The following SEMA4A variants were observed in gnomAD, a reference collection of about 807,000 sequenced individuals.
SEMA4A encodes the protein semaphorin 4A, also known as semaphorin-4A.
SEMA4A carries 52 observed loss-of-function variants against 72.5 expected under a neutral mutation model. That is an observed-to-expected ratio of 0.72 (90% CI 0.57 to 0.90). The LOEUF (loss-of-function observed/expected upper bound fraction) is 0.90. Ranked by LOEUF, SEMA4A falls within the 40% of genes least tolerant of loss-of-function variation. SEMA4A has a pLI of 0.00. For missense variants in SEMA4A, 926 were observed against 959.7 expected, an observed-to-expected ratio of 0.96 and a Z score of 0.46; for synonymous variants, 369 against 393.1, an observed-to-expected ratio of 0.94 and a Z score of 0.73.
At chr1:156,149,901 T>C (rs568579548), upstream of SEMA4A, 1 of 152,078 alleles carries the variant, frequency 6.6e-6, no homozygotes, top group East Asian at 1.9e-4. Context: ...GGGACATGGG[T>C]AGGAGGAGGA....
At chr1:156,161,241 G>C in intron 8 of SEMA4A, 105 bp from the exon 9 acceptor site, 1 of 812,444 alleles carries the variant, frequency 1.2e-6, no homozygotes, top group Non-Finnish European at 1.8e-6. Flanking sequence ...ACGCGGGGCT[G>C]GCGGGGACTG....
chr1:156,160,391 CAGA>C, intron 6 of SEMA4A, 49 bp from the exon 7 acceptor site: 1 of 1,372,588 alleles, frequency 7.3e-7, no homozygotes, highest in Non-Finnish European at 1.0e-6. Context: ...CTGTGGAGGG[CAGA>C]GGAACCCTCC....
intron 10 of SEMA4A, among the ~76,000 whole-genome samples, chr1:156,171,809 A>G (rs1572420684): frequency 6.6e-6 from 1 of 151,722 alleles, no homozygotes; most frequent in Non-Finnish European, 1.5e-5. Flanking sequence ...TTTGAGACCG[A>G]GTCTCACTCT....
At chr1:156,174,411 T>C (rs963969214) in intron 11 of SEMA4A, among the ~76,000 whole-genome samples, 5 of 152,056 alleles carry the variant, frequency 3.3e-5, no homozygotes, top group African/African-American at 9.7e-5. Flanking sequence ...CACGTAGAGG[T>C]GTGTGCGGGG....
chr1:156,175,582 G>A lies in SEMA4A; in HGVS notation c.1619G>A (p.Arg540Gln), dbSNP rs184592535. The A allele has an allele frequency of 4.2e-5, 67 of 1,613,548 alleles. No homozygotes were observed. The highest frequency in any genetic ancestry group is 3.3e-4 in the African/African-American group (25 of 75,018). ...NLNSWKQDME[R>Q]GNPEWACASG... The stretch of plus-strand genomic sequence containing the variant: ...AACTCCTGGAAGCAGGACATGGAGC[G>A]GGGGAACCCAGAGTGGGCATGTGCC... The change falls in exon 14 of 15, where the codon CGG (arginine) becomes CAG (glutamine). Residue 540 changes from arginine (R) to glutamine (Q), a missense_variant. Transcript: ENST00000368285.
At chr1:156,172,745 AG>A in intron 10 of SEMA4A, 80 bp from the exon 11 acceptor site, 2 of 1,297,906 alleles carry the variant, frequency 1.5e-6, no homozygotes, top group Non-Finnish European at 2.2e-6. Flanking sequence ...GAGGGGGTAA[AG>A]GGAGAAGAGC....
At chr1:156,151,128 T>G (rs1276282221), upstream of SEMA4A, among the ~76,000 whole-genome samples, 3 of 152,250 alleles carry the variant, frequency 2.0e-5, no homozygotes, top group Non-Finnish European at 4.4e-5. Context: ...GCTTCTTTGA[T>G]GCTGTGTGCA....
intron 2 of SEMA4A, chr1:156,155,022 C>T (rs1252623979): frequency 2.3e-6 from 1 of 440,480 alleles, no homozygotes; most frequent in African/African-American, 2.0e-5. Context: ...TCACTGTCAC[C>T]AAGCTGGGCA....
intron 14 of SEMA4A, among the ~76,000 whole-genome samples, chr1:156,175,919 G>T (rs150882601): frequency 8.1e-4 from 124 of 152,230 alleles, no homozygotes; most frequent in African/African-American, 2.9e-3. Context: ...TTAGTTTGGG[G>T]TCCAGACTGG....
Position 156,160,531 on chromosome 1 carries a change from G to C in SEMA4A, c.657G>C (p.Lys219Asn), listed in dbSNP as rs768335882. ...CACTGGGATCCCAGCCTGTCCTCAA[G>C]ACCGACAACTTCCTCCGCTGGCTGC... ...MRTLGSQPVLKTDNFLRWLHH... is the reference protein window; with the variant it reads ...MRTLGSQPVLNTDNFLRWLHH... The change falls in exon 7 of 15, where the codon AAG becomes AAC. Residue 219 changes from lysine to asparagine, a missense_variant. Coordinates refer to ENST00000368285, the MANE Select transcript of SEMA4A (RefSeq NM_022367.4). The C allele has an allele frequency of 9.9e-6, 16 of 1,614,168 alleles. No individual in the cohort carries two copies. Among genetic ancestry groups the C allele is most frequent in the Non-Finnish European group, 1.3e-5 (15 of 1,180,024 alleles).
chr1:156,160,913 T>G lies in SEMA4A; in HGVS notation c.694T>G (p.Ser232Ala). ...CTGCCCCTCCCCCGCAGATGACGCC[T>G]CCTTTGTGGCAGCCATCCCTTCGAC... ...NFLRWLHHDA[S>A]FVAAIPSTQV... The change falls in exon 8 of 15, where the codon TCC becomes GCC. Residue 232 changes from serine (S) to alanine (A), a missense_variant. Coordinates refer to ENST00000368285, the MANE Select transcript of SEMA4A (RefSeq NM_022367.4). The G allele has an allele frequency of 8.1e-6, 13 of 1,613,550 alleles. No individual in the cohort carries two copies. Among genetic ancestry groups the G allele is most frequent in the Non-Finnish European group, 1.1e-5 (13 of 1,179,882 alleles).
chr1:156,161,312 C>CCCGGGCGCCCCCCGA, intron 8 of SEMA4A, 34 bp from the exon 9 acceptor site: 2 of 732,938 alleles, frequency 2.7e-6, no homozygotes, highest in Non-Finnish European at 3.9e-6. Flanking sequence ...GTCGGGGCGC[C>CCCGGGCGCCCCCCGA]CGGGGCGCCC....
At chr1:156,160,406 C>T (rs767596583) in intron 6 of SEMA4A, 37 bp from the exon 7 acceptor site, 1 of 1,514,608 alleles carries the variant, frequency 6.6e-7, no homozygotes, top group South Asian at 1.1e-5. Flanking sequence ...GAACCCTCCA[C>T]CCCATCAGTT....
chr1:156,172,074 G>A (rs780966724), intron 10 of SEMA4A, among the ~76,000 whole-genome samples: 2 of 149,594 alleles, frequency 1.3e-5, no homozygotes, highest in African/African-American at 4.9e-5. Context: ...GTGAGCCACT[G>A]TGCCCGGCTG....
chr1:156,154,306 G>C (rs1652793314), intron 1 of SEMA4A: 1 of 523,924 alleles, frequency 1.9e-6, no homozygotes, highest in Non-Finnish European at 3.4e-6. Flanking sequence ...AACAGAAGAA[G>C]CAGGATAGGG....
At chr1:156,162,465 A>G (rs1163375201) in intron 9 of SEMA4A, among the ~76,000 whole-genome samples, 1 of 152,200 alleles carries the variant, frequency 6.6e-6, no homozygotes, top group Non-Finnish European at 1.5e-5. Context: ...AGTCAGCTTC[A>G]AGAGAGCAGA....
At chr1:156,155,178 A>G (rs1652899298) in intron 2 of SEMA4A, 1 of 166,626 alleles carries the variant, frequency 6.0e-6, no homozygotes, top group Non-Finnish European at 1.3e-5. Flanking sequence ...GTCCAGGACC[A>G]TGGGATGGCT....
chr1:156,168,965 T>C (rs367807969), intron 10 of SEMA4A, among the ~76,000 whole-genome samples: 2 of 152,026 alleles, frequency 1.3e-5, no homozygotes, highest in Admixed American at 1.3e-4. Flanking sequence ...TGAATCCCCC[T>C]CTTTCAGGAT....
Position 156,158,057 on chromosome 1 carries a change from T to TC in SEMA4A, c.301-9dup, listed in dbSNP as rs758429734. The TC allele has an allele frequency of 6.2e-7, 1 of 1,613,868 alleles. No individual in the cohort carries two copies. Among genetic ancestry groups the TC allele is most frequent in the Non-Finnish European group, 8.5e-7 (1 of 1,179,924 alleles). ...TTTCTTTTCATCTCGCCCTCCCAACTCCCCACTTTCAGATACCGTGGCCAG... is the reference window on the plus strand; with the variant it reads ...TTTCTTTTCATCTCGCCCTCCCAACTCCCCCACTTTCAGATACCGTGGCCAG... On this transcript the variant is annotated splice_polypyrimidine_tract_variant and intron_variant, in intron 3 of 14. Transcript: ENST00000368285.
Sources: gnomAD v4.1 joint callset for allele counts (sites outside exome capture counted in the v4.1 genomes callset) on GRCh38, gnomAD v4.1.1 for gene constraint, MANE v1.5 for transcripts, NCBI Gene and HGNC (gene_info 2026-07-23, HGNC 2026-07-21) for gene names.